ADRA1A: variants seen among roughly 807,000 people sequenced by gnomAD.
The protein encoded by ADRA1A is adrenoceptor alpha 1A, also known as alpha-1A adrenergic receptor.
ADRA1A carries 31 observed loss-of-function variants against 29.6 expected under a neutral mutation model. The observed-to-expected ratio is 1.05, with a 90% confidence interval of 0.79 to 1.41. ADRA1A has a LOEUF of 1.41. ADRA1A is among the 40% of genes most tolerant of loss of function. The probability of loss-of-function intolerance (pLI) is 0.00; values close to 1 mark genes in which losing one functional copy is unlikely to be tolerated. For synonymous variants in ADRA1A, 311 were observed against 254.3 expected (o/e 1.22, Z -2.12); for missense variants, 619 against 601.1 (o/e 1.03, Z -0.31).
chr8:26,756,506 G>A (rs961602986), exon 3 of ADRA1A: 40 of 1,520,306 alleles, frequency 2.6e-5, no homozygotes, highest in Non-Finnish European at 3.5e-5. Flanking sequence ...GTCCCTGAAG[G>A]CTCTTTTCCT....
intron 2 of ADRA1A, among the ~76,000 whole-genome samples, chr8:26,772,428 A>G (rs1806237303): frequency 6.6e-6 from 1 of 152,200 alleles, no homozygotes. Context: ...TTGGCTCCCA[A>G]GCTCCTTTTC....
chr8:26,770,155 T>A lies in ADRA1A; in HGVS notation c.1395A>T (p.Glu465Asp), dbSNP rs2229126. ...HTISLSENGE[E>D]V is the part of the protein sequence containing the mutation. ...CCTCTGCATCTTTCCTGTCCTAGAC[T>A]TCCTCCCCGTTCTCACTGAGGGAGA... is the stretch of plus-strand genomic sequence containing the variant. Residue 465 changes from glutamate (E) to aspartate (D), a missense_variant, in exon 3 of 3, where the codon GAA (glutamate) becomes GAT (aspartate). Glu to Asp is a conservative substitution (Grantham distance 45). Coordinates refer to ENST00000380573, the MANE Select transcript of ADRA1A (RefSeq NM_000680.4). 44,565 of 1,547,296 alleles carry A rather than the reference T, an allele frequency of 0.029. 805 individuals carry two copies. Among genetic ancestry groups the A allele is most frequent in the Admixed American group, 0.073 (3,796 of 51,898 alleles).
In ADRA1A at chr8:26,782,534, A is replaced by C. The variant is rs61761834; in HGVS notation, c.884-11868T>G. Among the ~76,000 whole-genome samples, 28 of 152,298 alleles carry C rather than the reference A, an allele frequency of 1.8e-4. 1 individual carries two copies. The highest frequency in any genetic ancestry group is 3.4e-3 in the Middle Eastern group (1 of 294). ...AATTGGCCATGCCTTCCTCTTTCAT[A>C]TAAATGTCACATTTAGAAATCTCAG... On this transcript the variant is annotated intron_variant, in intron 2 of 2. Transcript: ENST00000380573.
At chr8:26,752,992 G>A (rs1804985349), downstream of ADRA1A, among the ~76,000 whole-genome samples, 1 of 152,180 alleles carries the variant, frequency 6.6e-6, no homozygotes, top group African/African-American at 2.4e-5. Flanking sequence ...TCTTCTAAGT[G>A]GCGAGTGGTT....
chr8:26,769,973 C>A lies in ADRA1A; in HGVS notation c.*176G>T. The A allele has an allele frequency of 1.4e-6, 2 of 1,407,438 alleles. No homozygotes were observed. The highest frequency in any genetic ancestry group is 9.2e-7 in the Non-Finnish European group (1 of 1,085,160). The allele number at this position is 1,407,438 out of a possible 1,614,324, so 87.2% of individuals were successfully genotyped here. A position where few individuals can be genotyped will look rare whatever the true frequency, so the allele number is the denominator to read the frequency against. On this transcript the variant is annotated 3_prime_UTR_variant, in exon 3 of 3. Coordinates refer to ENST00000380573, the MANE Select transcript of ADRA1A (RefSeq NM_000680.4). ...GAACTGGTTGGTTGTGAGACACCCT[C>A]CCTCTTCCCTGTGCCCTACCCGCTG...
At chr8:26,819,673 T>G (rs1168272184) in intron 2 of ADRA1A, among the ~76,000 whole-genome samples, 1 of 151,956 alleles carries the variant, frequency 6.6e-6, no homozygotes. Context: ...CAAAATATCA[T>G]AAAGAAACAT....
At chr8:26,768,756 T>G (rs1000031923), downstream of ADRA1A, 2 of 362,802 alleles carry the variant, frequency 5.5e-6, no homozygotes, top group Admixed American at 6.4e-5. Context: ...AAAAAATCTG[T>G]AATCTGAAAC....
chr8:26,762,058 G>T (rs564275606), downstream of ADRA1A, among the ~76,000 whole-genome samples: 4 of 152,180 alleles, frequency 2.6e-5, no homozygotes, highest in East Asian at 7.7e-4. The surrounding 1 kb of genome is among the most constrained non-coding windows in gnomAD (Gnocchi z 4.0). Context: ...CACTCCTAAG[G>T]GGGAAAGTCA....
chr8:26,755,586 TG>T (rs1258761095), downstream of ADRA1A, among the ~76,000 whole-genome samples: 1 of 152,184 alleles, frequency 6.6e-6, no homozygotes, highest in Non-Finnish European at 1.5e-5. Context: ...CTTCTTTGCC[TG>T]GAACAACTGT....
chr8:26,858,365 C>A (rs1480748966), intron 2 of ADRA1A, among the ~76,000 whole-genome samples: 2 of 152,224 alleles, frequency 1.3e-5, no homozygotes, highest in East Asian at 3.8e-4. Context: ...ATGCCAAGGA[C>A]ATCCACCCCT....
At chr8:26,750,022 A>AGGT (rs1804855444) in intron 2 of ADRA1A, among the ~76,000 whole-genome samples, 1 of 152,188 alleles carries the variant, frequency 6.6e-6, no homozygotes, top group Non-Finnish European at 1.5e-5. Flanking sequence ...TAACATAAAT[A>AGGT]GGTGGCTTAT....
intron 2 of ADRA1A, among the ~76,000 whole-genome samples, chr8:26,773,590 G>GT (rs1806333002): frequency 6.6e-6 from 1 of 151,834 alleles, no homozygotes. Flanking sequence ...GGGGAGGGTC[G>GT]TTTCCTTATT....
intron 2 of ADRA1A, among the ~76,000 whole-genome samples, chr8:26,773,307 C>T (rs572398967): frequency 3.9e-5 from 6 of 152,264 alleles, no homozygotes; most frequent in Non-Finnish European, 5.9e-5. Context: ...AATGCTTTTT[C>T]GAACCTCATC....
intron 2 of ADRA1A, chr8:26,779,415 G>T: frequency 1.4e-6 from 1 of 702,210 alleles, no homozygotes; most frequent in Non-Finnish European, 2.6e-6. Flanking sequence ...TCCTTCTTGG[G>T]CCTCAGTTTC....
chr8:26,781,591 A>G (rs182810885), intron 2 of ADRA1A, among the ~76,000 whole-genome samples: 2 of 152,350 alleles, frequency 1.3e-5, no homozygotes, highest in East Asian at 1.9e-4. Context: ...ATGTGAAAAC[A>G]AGACCATTCT....
intron 2 of ADRA1A, among the ~76,000 whole-genome samples, chr8:26,797,803 A>C (rs1308629233): frequency 6.6e-6 from 1 of 152,100 alleles, no homozygotes; most frequent in African/African-American, 2.4e-5. Context: ...AGGGGGATTC[A>C]AGAGGAATTG....
chr8:26,814,896 C>T (rs1023537884), intron 2 of ADRA1A, among the ~76,000 whole-genome samples: 3 of 152,150 alleles, frequency 2.0e-5, no homozygotes, highest in African/African-American at 7.2e-5. Flanking sequence ...ATATGTCTCT[C>T]TTCTTTTATC....
chr8:26,762,956 A>T (rs1157526503), downstream of ADRA1A, among the ~76,000 whole-genome samples: 1 of 152,194 alleles, frequency 6.6e-6, no homozygotes, highest in Non-Finnish European at 1.5e-5. This position sits in a 1 kb window ranked among gnomAD's most constrained non-coding sequence, Gnocchi z 4.0. Context: ...TCAGGGAAAC[A>T]TGAATCTGGT....
chr8:26,767,407 C>T (rs1458507126), downstream of ADRA1A, among the ~76,000 whole-genome samples: 1 of 152,136 alleles, frequency 6.6e-6, no homozygotes, highest in East Asian at 1.9e-4. Flanking sequence ...TAATTCAACT[C>T]ATATATTCTT....
Sources: allele counts gnomAD v4.1 joint callset (sites outside exome capture counted in the v4.1 genomes callset), GRCh38; gene constraint gnomAD v4.1.1; non-coding constraint Gnocchi (gnomAD v3.1); transcripts MANE v1.5; gene names NCBI Gene and HGNC (gene_info 2026-07-23, HGNC 2026-07-21).